LYPD6: variants seen among roughly 807,000 people sequenced by gnomAD.
LYPD6 encodes LY6/PLAUR domain containing 6.
A neutral mutation model predicts 22.7 loss-of-function variants in LYPD6; 15 were observed. The ratio of observed to expected loss-of-function variants is 0.66; its 90% CI spans 0.44 to 1.02. LYPD6 has a LOEUF of 1.02. Among genes scored for constraint, LYPD6 ranks in the 50% least tolerant of loss-of-function variants. The pLI is 0.00. For missense variants in LYPD6, 189 were observed against 208.4 expected (o/e 0.91, Z 0.57); for synonymous variants, 72 against 77.5 (o/e 0.93, Z 0.37).
At chr2:149,365,485 T>A (rs1681643266) in intron 1 of LYPD6, among the ~76,000 whole-genome samples, 1 of 152,236 alleles carries the variant, frequency 6.6e-6, no homozygotes, top group Admixed American at 6.5e-5. Context: ...GCTGCTTTTT[T>A]AATGCACAAA....
At chr2:149,360,438 G>A (rs981915867) in intron 1 of LYPD6, among the ~76,000 whole-genome samples, 40 of 152,144 alleles carry the variant, frequency 2.6e-4, no homozygotes, top group African/African-American at 8.5e-4. Context: ...ACACCTCAGT[G>A]GCATCAACAT....
chr2:149,414,094 T>C (rs1390110582), intron 1 of LYPD6, among the ~76,000 whole-genome samples: 1 of 152,196 alleles, frequency 6.6e-6, no homozygotes, highest in Non-Finnish European at 1.5e-5. Context: ...TTTATGTAAT[T>C]AGAAATAGGA....
chr2:149,415,396 G>A (rs1682939417), intron 1 of LYPD6, among the ~76,000 whole-genome samples: 1 of 152,156 alleles, frequency 6.6e-6, no homozygotes, highest in Non-Finnish European at 1.5e-5. Context: ...TGGAGTCTGT[G>A]AAGCACATGG....
In LYPD6 at chr2:149,349,555, C is replaced by T. The variant is rs12618689; in HGVS notation, c.-72+18833C>T. Among the ~76,000 whole-genome samples the T allele has an allele frequency of 3.2e-3, 486 of 152,070 alleles. 5 individuals are homozygous for T. Among genetic ancestry groups the T allele is most frequent in the South Asian group, 0.02 (97 of 4,818 alleles). ...GATGGGATTTTCTCATGTGTGGAAG[C>T]GGTAATACTTGAAGATTTTGTTCAG... On this transcript the variant is annotated intron_variant, in intron 1 of 4. Transcript: ENST00000334166.
chr2:149,383,620 G>C (rs1463116300), intron 1 of LYPD6, among the ~76,000 whole-genome samples: 1 of 152,156 alleles, frequency 6.6e-6, no homozygotes, highest in Non-Finnish European at 1.5e-5. Context: ...GTCATTATGG[G>C]TCAAAGCCTT....
intron 1 of LYPD6, among the ~76,000 whole-genome samples, chr2:149,337,928 C>T (rs1237609931): frequency 6.6e-6 from 1 of 152,146 alleles, no homozygotes. Context: ...ATAATGGCCT[C>T]CAGCTTCATC....
intron 1 of LYPD6, among the ~76,000 whole-genome samples, chr2:149,352,551 G>A (rs1170866785): frequency 6.6e-6 from 1 of 152,158 alleles, no homozygotes; most frequent in African/African-American, 2.4e-5. Flanking sequence ...CTTGCCTACT[G>A]GCTGGGAAAG....
At chr2:149,347,784 C>A (rs183836262) in intron 1 of LYPD6, among the ~76,000 whole-genome samples, 144 of 152,206 alleles carry the variant, frequency 9.5e-4, no homozygotes, top group Non-Finnish European at 1.9e-3. Flanking sequence ...ATAGTTACAT[C>A]TTTTAATTGC....
chr2:149,423,137 G>A (rs907407912), intron 1 of LYPD6, among the ~76,000 whole-genome samples: 6 of 152,056 alleles, frequency 3.9e-5, no homozygotes, highest in African/African-American at 1.5e-4. Flanking sequence ...GAGGTACAGG[G>A]TGACCTCATA....
chr2:149,389,291 G>C (rs555077771), intron 1 of LYPD6, among the ~76,000 whole-genome samples: 2 of 152,084 alleles, frequency 1.3e-5, no homozygotes, highest in East Asian at 3.9e-4. Flanking sequence ...TATACAGGGT[G>C]GGGGAGAGTT....
At chr2:149,355,646 C>G (rs1297242338) in intron 1 of LYPD6, among the ~76,000 whole-genome samples, 1 of 152,134 alleles carries the variant, frequency 6.6e-6, no homozygotes, top group Non-Finnish European at 1.5e-5. Context: ...GTCAGCAAGA[C>G]AAGGGACTTG....
intron 1 of LYPD6, among the ~76,000 whole-genome samples, chr2:149,361,117 G>A (rs189539797): frequency 4.2e-4 from 64 of 152,300 alleles, no homozygotes; most frequent in Non-Finnish European, 6.5e-4. Context: ...AGATAAATGA[G>A]TAAATCTCGA....
intron 1 of LYPD6, among the ~76,000 whole-genome samples, chr2:149,386,818 G>T (rs1682196720): frequency 6.6e-6 from 1 of 152,216 alleles, no homozygotes; most frequent in East Asian, 1.9e-4. Context: ...CTGACAGTGG[G>T]CCTTACCTTC....
intron 3 of LYPD6, among the ~76,000 whole-genome samples, chr2:149,463,203 T>C (rs942806317): frequency 1.3e-5 from 2 of 151,954 alleles, no homozygotes; most frequent in African/African-American, 4.8e-5. Context: ...GTAAACAAAA[T>C]ACATCATTAG....
At position 149,470,752 on chromosome 2, in the gene LYPD6, T is replaced by G; in HGVS notation, c.418T>G (p.Phe140Val). ...GCCCCGAAATGAAACTGATGCCACA[T>G]TTGCCACGACGTCACCTATAAATCA... ...PLPRNETDAT[F>V]ATTSPINQTN... The change falls in exon 5 of 5, where the codon TTT becomes GTT. Residue 140 changes from phenylalanine (F) to valine (V), a missense_variant. Coordinates refer to ENST00000334166, the MANE Select transcript of LYPD6 (RefSeq NM_194317.5). 1 of 1,613,894 alleles carries G rather than the reference T, an allele frequency of 6.2e-7. No homozygotes were observed. The highest frequency in any genetic ancestry group is 8.5e-7 in the Non-Finnish European group (1 of 1,179,832).
At chr2:149,449,398 C>T (rs1345446712) in intron 3 of LYPD6, among the ~76,000 whole-genome samples, 2 of 152,150 alleles carry the variant, frequency 1.3e-5, no homozygotes, top group Non-Finnish European at 2.9e-5. Flanking sequence ...TTCGCCTGTA[C>T]CCCCGGGCCC....
intron 1 of LYPD6, among the ~76,000 whole-genome samples, chr2:149,397,876 T>A (rs1165763389): frequency 6.6e-6 from 1 of 152,078 alleles, no homozygotes; most frequent in East Asian, 1.9e-4. Flanking sequence ...CACCACTTAT[T>A]AACAGACCTT....
At chr2:149,428,532 G>A (rs1357095072) in intron 1 of LYPD6, among the ~76,000 whole-genome samples, 4 of 152,140 alleles carry the variant, frequency 2.6e-5, no homozygotes, top group African/African-American at 9.7e-5. Context: ...CACCTTGGGG[G>A]CTCCTGTACC....
At chr2:149,441,835 C>G (rs1252785937) in intron 2 of LYPD6, among the ~76,000 whole-genome samples, 4 of 152,190 alleles carry the variant, frequency 2.6e-5, no homozygotes, top group African/African-American at 9.6e-5. Context: ...GCCTCCATTT[C>G]TTTCCTTAGA....
Sources: allele counts gnomAD v4.1 joint callset (sites outside exome capture counted in the v4.1 genomes callset), GRCh38; gene constraint gnomAD v4.1.1; transcripts MANE v1.5; gene names NCBI Gene and HGNC (gene_info 2026-07-23, HGNC 2026-07-21).